The following MEGF10 variants were observed in gnomAD, a reference collection of about 807,000 sequenced individuals.
MEGF10 encodes the protein multiple epidermal growth factor-like domains protein 10.
A neutral mutation model predicts 147.5 loss-of-function variants in MEGF10; 86 were observed. That is an observed-to-expected ratio of 0.58 (90% CI 0.49 to 0.70). The LOEUF is 0.70. Ranked by LOEUF, MEGF10 falls within the 30% of genes least tolerant of loss-of-function variation. MEGF10 has a pLI of 0.00. For synonymous variants in MEGF10, 478 were observed against 525.5 expected (o/e 0.91, Z 1.24); for missense variants, 1,329 against 1,487.3 (o/e 0.89, Z 1.75).
At chr5:127,389,637 G>A (rs1763568729) in intron 5 of MEGF10, among the ~76,000 whole-genome samples, 1 of 152,180 alleles carries the variant, frequency 6.6e-6, no homozygotes. Flanking sequence ...GGATGGAGCT[G>A]GAGGCCATTA....
At chr5:127,272,838 T>C in the MEGF10 span, among the ~76,000 whole-genome samples, 21 of 152,356 alleles carry the variant, frequency 1.4e-4, no homozygotes, top group East Asian at 3.9e-3. Flanking sequence ...GTTGAGATGA[T>C]AGGGTTTTCT....
intron 5 of MEGF10, among the ~76,000 whole-genome samples, chr5:127,384,581 T>C (rs1240552873): frequency 6.6e-6 from 1 of 152,186 alleles, no homozygotes; most frequent in Non-Finnish European, 1.5e-5. Flanking sequence ...CTTTTTCTGG[T>C]TCATAATTTG....
At chr5:127,412,446 T>C (rs1020990334) in intron 9 of MEGF10, among the ~76,000 whole-genome samples, 1 of 152,224 alleles carries the variant, frequency 6.6e-6, no homozygotes, top group Non-Finnish European at 1.5e-5. Flanking sequence ...CTTGTATTAA[T>C]TGAAAGTCTA....
upstream of MEGF10, among the ~76,000 whole-genome samples, chr5:127,286,922 T>C (rs902372804): frequency 9.2e-5 from 14 of 151,926 alleles, no homozygotes; most frequent in East Asian, 2.3e-3. Flanking sequence ...GCAAATCAAA[T>C]CCAACAGTAT....
At position 127,455,745 on chromosome 5, in the gene MEGF10, A is replaced by G. The variant is rs1207299279; in HGVS notation, c.3232+138A>G. ...TCCGTATTTTATTTTATTTTATTTT[A>G]TTTTATGTATTTTTTGAGATGGGGT... On this transcript the variant is annotated intron_variant, in intron 24 of 24. Coordinates refer to ENST00000503335, the MANE Select transcript of MEGF10 (RefSeq NM_001256545.2). 1.3e-5 allele frequency: 9 copies of G among 703,572 alleles called. 1 individual carries two copies. In the South Asian group the frequency reaches 2.1e-4, roughly 17 times the overall value. 43.6% of individuals were successfully genotyped at this position (703,572 alleles called of 1,614,324 possible).
At chr5:127,371,180 A>AGGGACT (rs1762833864) in intron 5 of MEGF10, among the ~76,000 whole-genome samples, 1 of 147,062 alleles carries the variant, frequency 6.8e-6, no homozygotes, top group Non-Finnish European at 1.5e-5. Flanking sequence ...TACCTTAAAC[A>AGGGACT]GGGACTGGGA....
At chr5:127,419,985 TCAA>T (rs1764929311) in intron 11 of MEGF10, 56 bp from the exon 12 acceptor site, 16 of 1,576,394 alleles carry the variant, frequency 1.0e-5, no homozygotes, top group Non-Finnish European at 8.6e-6. Flanking sequence ...TTGGAAAGGC[TCAA>T]CAAGGCTCTC....
chr5:127,435,641 C>CT (rs573923853), intron 16 of MEGF10, 152 bp downstream of exon 16: 13,686 of 671,910 alleles, frequency 0.02, 1 homozygote, highest in Middle Eastern at 0.035. Context: ...TTTTAAAATT[C>CT]TTTTTTTTTT....
chr5:127,391,098 G>GCACACACACACA (rs1158697334), intron 5 of MEGF10, among the ~76,000 whole-genome samples: 44 of 29,776 alleles, frequency 1.5e-3, no homozygotes, highest in African/African-American at 2.6e-3. Flanking sequence ...GCGCGCGCGC[G>GCACACACACACA]CGCGCACACA....
chr5:127,266,898 T>C, the MEGF10 span, among the ~76,000 whole-genome samples: 3 of 152,230 alleles, frequency 2.0e-5, no homozygotes, highest in African/African-American at 2.4e-5. Flanking sequence ...CTCTTCCTAA[T>C]TGAATACGCT....
chr5:127,382,482 A>C (rs933135160), intron 5 of MEGF10, among the ~76,000 whole-genome samples: 1 of 152,194 alleles, frequency 6.6e-6, no homozygotes, highest in Admixed American at 6.5e-5. Flanking sequence ...ATATAATTGG[A>C]AATTTTTGTT....
chr5:127,259,999 A>C, the MEGF10 span, among the ~76,000 whole-genome samples: 2 of 151,958 alleles, frequency 1.3e-5, no homozygotes, highest in Admixed American at 1.3e-4. Flanking sequence ...TCTACTAAAA[A>C]TACAAAAATT....
intron 1 of MEGF10, among the ~76,000 whole-genome samples, chr5:127,319,264 C>A (rs1033112570): frequency 1.3e-5 from 2 of 151,976 alleles, no homozygotes; most frequent in Non-Finnish European, 2.9e-5. Context: ...TTAGTAGAGA[C>A]AGGGTTTTAC....
chr5:127,232,412 A>G, the MEGF10 span, among the ~76,000 whole-genome samples: 3 of 152,214 alleles, frequency 2.0e-5, no homozygotes, highest in Non-Finnish European at 4.4e-5. Context: ...AAGTTACTAC[A>G]TACAATCCTG....
the MEGF10 span, among the ~76,000 whole-genome samples, chr5:127,239,461 A>T: frequency 7.6e-6 from 1 of 131,318 alleles, no homozygotes; most frequent in Non-Finnish European, 1.6e-5. Context: ...TTATATATAA[A>T]ATATATATAT....
chr5:127,454,737 A>C (rs913922815), intron 23 of MEGF10, 127 bp downstream of exon 23: 5 of 744,356 alleles, frequency 6.7e-6, no homozygotes, highest in Non-Finnish European at 1.1e-5. Context: ...GTGGTCAGTT[A>C]CTACAGCAAA....
the MEGF10 span, among the ~76,000 whole-genome samples, chr5:127,245,843 CAT>C: frequency 2.1e-3 from 314 of 152,186 alleles, no homozygotes; most frequent in Admixed American, 5.3e-3. Context: ...AGCCAACAAA[CAT>C]ATGAAAAAAA....
chr5:127,378,758 C>T (rs991667790), intron 5 of MEGF10, among the ~76,000 whole-genome samples: 2 of 152,190 alleles, frequency 1.3e-5, no homozygotes, highest in Non-Finnish European at 2.9e-5. Context: ...CCGCCCCCTA[C>T]ACCCTGCTTT....
In MEGF10 at chr5:127,457,627, T is replaced by G; in HGVS notation, c.*309T>G. 6.1e-6 allele frequency: 2 copies of G among 325,448 alleles called. No individual in the cohort carries two copies. The highest frequency in any genetic ancestry group is 1.1e-5 in the Non-Finnish European group (2 of 176,088). The allele number at this position is 325,448 out of a possible 1,614,324, so 20.2% of individuals were successfully genotyped here. A position where few individuals can be genotyped will look rare whatever the true frequency, so the allele number is the denominator to read the frequency against. ...GCAGAACTCCCTCGGAGACGCAGGT[T>G]GCAGTGGACATTGGGATTGTTGCTT... On this transcript the variant is annotated 3_prime_UTR_variant, in exon 25 of 25. Coordinates refer to ENST00000503335, the MANE Select transcript of MEGF10 (RefSeq NM_001256545.2).
Sources: allele counts gnomAD v4.1 joint callset (sites outside exome capture counted in the v4.1 genomes callset), GRCh38; gene constraint gnomAD v4.1.1; transcripts MANE v1.5; gene names NCBI Gene and HGNC (gene_info 2026-07-23, HGNC 2026-07-21).